SCARA3: variants seen among roughly 807,000 people sequenced by gnomAD.
The protein encoded by SCARA3 is cellular stress response gene protein.
SCARA3 carries 39 observed loss-of-function variants against 47.0 expected under a neutral mutation model. That is an observed-to-expected ratio of 0.83 (90% CI 0.64 to 1.08). SCARA3 has a LOEUF of 1.08. SCARA3 is among the 50% of genes least tolerant of loss of function. The probability of loss-of-function intolerance (pLI) is 0.00; values close to 1 mark genes in which losing one functional copy is unlikely to be tolerated. For synonymous variants in SCARA3, 356 were observed against 334.1 expected (o/e 1.07, Z -0.71); for missense variants, 724 against 792.3 (o/e 0.91, Z 1.04).
the SCARA3 span, among the ~76,000 whole-genome samples, chr8:27,695,363 G>A: frequency 2.6e-5 from 4 of 152,178 alleles, no homozygotes; most frequent in Non-Finnish European, 5.9e-5. Context: ...AAGTTCAAGG[G>A]GATCAGCTAG....
At chr8:27,660,654 A>AGATAGATAGATCGATC (rs60638219) in intron 5 of SCARA3, among the ~76,000 whole-genome samples, 6 of 149,924 alleles carry the variant, frequency 4.0e-5, no homozygotes, top group South Asian at 2.2e-4. Context: ...ATAGATAGAT[A>AGATAGATAGATCGATC]GATCTAGAGA....
intron 5 of SCARA3, among the ~76,000 whole-genome samples, chr8:27,664,251 C>A (rs1801969817): frequency 6.6e-6 from 1 of 152,244 alleles, no homozygotes; most frequent in African/African-American, 2.4e-5. Context: ...TATGGTTCAG[C>A]CCCTGGCAAG....
chr8:27,727,451 T>C, the SCARA3 span, among the ~76,000 whole-genome samples: 1 of 152,206 alleles, frequency 6.6e-6, no homozygotes, highest in East Asian at 1.9e-4. Context: ...GCTGCATCTC[T>C]TCTTTCTCTA....
At chr8:27,717,840 C>T in the SCARA3 span, among the ~76,000 whole-genome samples, 5 of 152,156 alleles carry the variant, frequency 3.3e-5, no homozygotes, top group Non-Finnish European at 7.4e-5. Context: ...AAACATGGCT[C>T]TTACCATGCC....
the SCARA3 span, among the ~76,000 whole-genome samples, chr8:27,698,995 A>C: frequency 6.6e-6 from 1 of 152,106 alleles, no homozygotes; most frequent in Non-Finnish European, 1.5e-5. Context: ...CTGTAATCTC[A>C]GCACTCTGGG....
downstream of SCARA3, among the ~76,000 whole-genome samples, chr8:27,679,514 C>T (rs1802327618): frequency 6.6e-6 from 1 of 152,076 alleles, no homozygotes; most frequent in Non-Finnish European, 1.5e-5. Flanking sequence ...CAACCTGTAT[C>T]AACAACAGCA....
At chr8:27,731,084 G>A in the SCARA3 span, among the ~76,000 whole-genome samples, 2 of 148,980 alleles carry the variant, frequency 1.3e-5, no homozygotes, top group African/African-American at 2.5e-5. Context: ...TTGTTTACCC[G>A]CTTTTATCTT....
intron 1 of SCARA3, among the ~76,000 whole-genome samples, chr8:27,637,828 C>T (rs543750064): frequency 3.2e-4 from 48 of 152,088 alleles, no homozygotes; most frequent in Admixed American, 1.6e-3. Context: ...CGCCCTGCAC[C>T]GCTCCTCTGG....
chr8:27,660,680 G>A (rs181768429), intron 5 of SCARA3, among the ~76,000 whole-genome samples: 7 of 138,610 alleles, frequency 5.1e-5, no homozygotes, highest in Admixed American at 3.7e-4. Flanking sequence ...AATCAATAGT[G>A]TAGAGTGATA....
At chr8:27,634,233 T>A in intron 1 of SCARA3, 26 bp downstream of exon 1, 1 of 1,345,948 alleles carries the variant, frequency 7.4e-7, no homozygotes, top group Non-Finnish European at 9.5e-7. Context: ...CGGGGGCAGC[T>A]CCGAGGGGGG....
downstream of SCARA3, among the ~76,000 whole-genome samples, chr8:27,677,817 C>T (rs1196592383): frequency 2.6e-5 from 4 of 152,072 alleles, no homozygotes; most frequent in African/African-American, 7.2e-5. Flanking sequence ...CAAGCCTCAA[C>T]AAATGTAAAA....
intron 4 of SCARA3, 100 bp from the exon 5 acceptor site, chr8:27,658,396 C>T (rs1468445667): frequency 8.6e-7 from 1 of 1,159,832 alleles, no homozygotes; most frequent in Admixed American, 2.5e-5. Flanking sequence ...GTTTGGGAAG[C>T]TACTAACCAA....
rs765360899 is a variant in SCARA3 at position 27,634,218 on chromosome 8, C to T, written c.7+11C>T. ...AAGAGACCATGAAAGGTAAGGGCGGCCTGTCGGGGGCAGCTCCGAGGGGGG... is the reference window on the plus strand; with the variant it reads ...AAGAGACCATGAAAGGTAAGGGCGGTCTGTCGGGGGCAGCTCCGAGGGGGG... On this transcript the variant is annotated intron_variant, in intron 1 of 5. Coordinates refer to ENST00000301904, the MANE Select transcript of SCARA3 (RefSeq NM_016240.3). The T allele has an allele frequency of 7.3e-6, 10 of 1,365,996 alleles. No homozygotes were observed. Among genetic ancestry groups the T allele is most frequent in the South Asian group, 2.0e-5 (1 of 50,824 alleles). 84.6% of individuals were successfully genotyped at this position (1,365,996 alleles called of 1,614,324 possible). A position where few individuals can be genotyped will look rare whatever the true frequency, so the allele number is the denominator to read the frequency against.
the SCARA3 span, among the ~76,000 whole-genome samples, chr8:27,709,023 A>G: frequency 6.6e-6 from 1 of 152,168 alleles, no homozygotes; most frequent in African/African-American, 2.4e-5. Context: ...CTGGGTAGGA[A>G]GCACAGAGAT....
At chr8:27,698,800 G>A in the SCARA3 span, among the ~76,000 whole-genome samples, 1 of 152,016 alleles carries the variant, frequency 6.6e-6, no homozygotes, top group Non-Finnish European at 1.5e-5. Flanking sequence ...ATTTAGTAAA[G>A]GATGGGCATG....
chr8:27,731,122 G>T, the SCARA3 span, among the ~76,000 whole-genome samples: 2 of 145,244 alleles, frequency 1.4e-5, no homozygotes, highest in African/African-American at 5.1e-5. Flanking sequence ...TTTAAATAGA[G>T]ACAGGGTCTC....
In SCARA3 at chr8:27,636,861, C is replaced by G. The variant is rs1475158893; in HGVS notation, c.7+2654C>G. ...CCAGAGATGGAAATGGCAGGGCAGA[C>G]AGCAAATAATTGGCTTCCGGGATCT... On this transcript the variant is annotated intron_variant, in intron 1 of 5. Coordinates refer to ENST00000301904, the MANE Select transcript of SCARA3 (RefSeq NM_016240.3). 2.0e-5 allele frequency among the ~76,000 whole-genome samples: 3 copies of G among 152,188 alleles called. No individual in the cohort carries two copies. In the East Asian group the frequency reaches 5.8e-4, roughly 29 times the overall value.
intron 5 of SCARA3, among the ~76,000 whole-genome samples, chr8:27,661,989 C>G (rs1199495422): frequency 6.6e-6 from 1 of 152,178 alleles, no homozygotes; most frequent in Non-Finnish European, 1.5e-5. Flanking sequence ...TAGGAACTCT[C>G]TATTTTGCTT....
the SCARA3 span, chr8:27,702,131 C>G: frequency 1.3e-5 from 2 of 152,186 alleles, no homozygotes; most frequent in African/African-American, 4.8e-5. Context: ...GATCCTGCCC[C>G]AGACACCAGG....
Sources: gnomAD v4.1 joint callset for allele counts (sites outside exome capture counted in the v4.1 genomes callset) on GRCh38, gnomAD v4.1.1 for gene constraint, MANE v1.5 for transcripts, NCBI Gene and HGNC (gene_info 2026-07-23, HGNC 2026-07-21) for gene names.